Variants in ANKRD36B observed in about 807,000 individuals in gnomAD.
ANKRD36B encodes the protein ankyrin repeat domain-containing protein 36B.
ANKRD36B carries 37 observed loss-of-function variants against 135.7 expected under a neutral mutation model. The observed-to-expected ratio is 0.27, with a 90% CI of 0.21 to 0.36. The LOEUF is 0.36. Among genes scored for constraint, ANKRD36B ranks in the 10% least tolerant of loss-of-function variants. ANKRD36B has a pLI of 1.00. For missense variants in ANKRD36B, 549 were observed against 1,037.1 expected, an observed-to-expected ratio of 0.53 and a Z score of 6.46; for synonymous variants, 179 against 348.1, an observed-to-expected ratio of 0.51 and a Z score of 5.41.
rs764246672 is a variant in ANKRD36B, at chr2:97,589,710, G to C, written c.-25C>G. The C allele has an allele frequency of 6.2e-7, 1 of 1,613,782 alleles. No individual in the cohort carries two copies. The highest frequency in any genetic ancestry group is 1.3e-5 in the African/African-American group (1 of 74,868). On this transcript the variant is annotated 5_prime_UTR_variant, in exon 1 of 44. Coordinates refer to ENST00000359901, the MANE Select transcript of ANKRD36B (RefSeq NM_001393939.1). Reference sequence around the variant, plus strand: ...TGAGGGTGGGCCACCTCTCCCGCTCGTCGTCTTCCTTAATCGTCGGCTGCA... The same window carrying C: ...TGAGGGTGGGCCACCTCTCCCGCTCCTCGTCTTCCTTAATCGTCGGCTGCA...
intron 1 of ANKRD36B, among the ~76,000 whole-genome samples, chr2:97,588,193 G>T (rs552055454): frequency 1.3e-5 from 2 of 151,914 alleles, no homozygotes; most frequent in South Asian, 4.2e-4. Context: ...ATTCCATAAC[G>T]AACTTATTTC....
At position 97,560,725 on chromosome 2, in the gene ANKRD36B, C is replaced by T. The variant is rs778457264; in HGVS notation, c.805G>A (p.Asp269Asn). Residue 269 changes from aspartate to asparagine, a missense_variant, in exon 8 of 44, where the codon GAC becomes AAC. Asp to Asn is a conservative substitution (Grantham distance 23). Coordinates refer to ENST00000359901, the MANE Select transcript of ANKRD36B (RefSeq NM_001393939.1). ...GCTATATTTGAAACAGAATCTTTGT[C>T]GTCACTTGTAGCCTGAATGGGATTT... is the stretch of plus-strand genomic sequence containing the variant. Reference protein sequence around the residue: ...KQRAEKATSDDKDSVSNIATE... With the variant: ...KQRAEKATSDNKDSVSNIATE... 1.6e-5 allele frequency: 25 copies of T among 1,601,844 alleles called. No individual in the cohort carries two copies. Among genetic ancestry groups the T allele is most frequent in the Admixed American group, 6.7e-5 (4 of 59,742 alleles).
In ANKRD36B at chr2:97,578,886, CT is replaced by C; in HGVS notation, c.695+19del. 6.2e-7 allele frequency: 1 copy of C among 1,607,356 alleles called. No individual in the cohort carries two copies. The highest frequency in any genetic ancestry group is 8.5e-7 in the Non-Finnish European group (1 of 1,176,106). Reference sequence around the variant, plus strand: ...AAACTTCAATTTAGTGTTCATTAGCCTTTTTACGTAAAGACTTACACTCTAT... The same window carrying C: ...AAACTTCAATTTAGTGTTCATTAGCCTTTTACGTAAAGACTTACACTCTAT... On this transcript the variant is annotated intron_variant, in intron 5 of 43. Coordinates refer to ENST00000359901, the MANE Select transcript of ANKRD36B (RefSeq NM_001393939.1).
chr2:97,582,292 A>C (rs1466805224), intron 3 of ANKRD36B, among the ~76,000 whole-genome samples: 1 of 152,138 alleles, frequency 6.6e-6, no homozygotes, highest in Non-Finnish European at 1.5e-5. Context: ...TCAAAAGTTC[A>C]ACCCGATTAC....
At chr2:97,566,589 T>C (rs2081450964) in intron 6 of ANKRD36B, among the ~76,000 whole-genome samples, 1 of 152,164 alleles carries the variant, frequency 6.6e-6, no homozygotes, top group Non-Finnish European at 1.5e-5. Context: ...TTATCTTACA[T>C]GTGAATTGCA....
intron 3 of ANKRD36B, among the ~76,000 whole-genome samples, chr2:97,582,940 AT>A (rs1169139908): frequency 6.6e-6 from 1 of 152,112 alleles, no homozygotes; most frequent in Admixed American, 6.5e-5. Context: ...AATTATTAAA[AT>A]AATATTAAAT....
At chr2:97,555,783 T>C (rs2080469104) in intron 12 of ANKRD36B, among the ~76,000 whole-genome samples, 1 of 152,054 alleles carries the variant, frequency 6.6e-6, no homozygotes, top group East Asian at 1.9e-4. Context: ...TCAGCTTGGA[T>C]ATATGGTTGG....
chr2:97,552,891 C>T (rs9677078), intron 16 of ANKRD36B, among the ~76,000 whole-genome samples: 84,492 of 151,684 alleles, frequency 0.56, 25,182 homozygotes, highest in Non-Finnish European at 0.67. Context: ...AACTATGCTG[C>T]TCCCCAGAGC....
At position 97,527,809 on chromosome 2, in the gene ANKRD36B, C is replaced by T. The variant is rs2078304096; in HGVS notation, c.2266-4342G>A. On this transcript the variant is annotated intron_variant, in intron 35 of 43. Coordinates refer to ENST00000359901, the MANE Select transcript of ANKRD36B (RefSeq NM_001393939.1). ...ACAAAGATCAAAGAGACAAAGAAGG[C>T]CATTACATAATGGTAAAGGGATCAA... 2.1e-5 allele frequency among the ~76,000 whole-genome samples: 2 copies of T among 95,966 alleles called. 1 individual carries two copies. The highest frequency in any genetic ancestry group is 4.6e-4 in the East Asian group (2 of 4,332). The allele number at this position is 95,966 out of a possible 152,430, so 63.0% of individuals were successfully genotyped here.
chr2:97,548,725 T>G (rs1241210341), intron 20 of ANKRD36B, among the ~76,000 whole-genome samples: 5 of 151,998 alleles, frequency 3.3e-5, no homozygotes, highest in African/African-American at 1.2e-4. Flanking sequence ...ACAAAACATG[T>G]ATCTCTGATG....
At chr2:97,572,282 A>T (rs1268506400) in intron 6 of ANKRD36B, among the ~76,000 whole-genome samples, 3 of 30,302 alleles carry the variant, frequency 9.9e-5, no homozygotes, top group Non-Finnish European at 2.9e-4. Context: ...ACTCAATCTC[A>T]AAAAAAAAAA....
intron 6 of ANKRD36B, among the ~76,000 whole-genome samples, chr2:97,570,266 A>G (rs567905244): frequency 6.6e-6 from 1 of 152,208 alleles, no homozygotes; most frequent in Non-Finnish European, 1.5e-5. Flanking sequence ...ACTATCAAAT[A>G]GAATTTTTAA....
intron 4 of ANKRD36B, among the ~76,000 whole-genome samples, chr2:97,579,370 G>A (rs1313131855): frequency 7.2e-6 from 1 of 139,614 alleles, no homozygotes; most frequent in Non-Finnish European, 1.6e-5. Flanking sequence ...TCCCTAGTCT[G>A]ATACTATACA....
At chr2:97,555,390 G>A (rs2080424746) in intron 12 of ANKRD36B, 136 bp from the exon 13 acceptor site, 7 of 1,324,950 alleles carry the variant, frequency 5.3e-6, no homozygotes, top group Non-Finnish European at 7.3e-6. Flanking sequence ...TCTGGGGACT[G>A]GAACATGACA....
At chr2:97,551,501 A>T (rs370515955) in intron 16 of ANKRD36B, 21 bp from the exon 17 acceptor site, 1 of 1,607,444 alleles carries the variant, frequency 6.2e-7, no homozygotes, top group South Asian at 1.1e-5. Flanking sequence ...AAAGGGATAC[A>T]TAATCACTCA....
At chr2:97,547,831 T>A in intron 20 of ANKRD36B, 100 bp from the exon 21 acceptor site, 2 of 1,482,238 alleles carry the variant, frequency 1.3e-6, no homozygotes, top group South Asian at 1.2e-5. Context: ...TTCCTGCCTG[T>A]ATTAGCATAG....
intron 14 of ANKRD36B, among the ~76,000 whole-genome samples, chr2:97,554,824 C>G (rs2080360622): frequency 6.6e-6 from 1 of 151,914 alleles, no homozygotes; most frequent in African/African-American, 2.4e-5. Context: ...TTGATCTGCT[C>G]TCCAATGTTT....
At chr2:97,554,869 T>C (rs554982264) in intron 14 of ANKRD36B, among the ~76,000 whole-genome samples, 191 bp downstream of exon 14, 119 of 152,046 alleles carry the variant, frequency 7.8e-4, no homozygotes, top group South Asian at 1.5e-3. Flanking sequence ...AAGTCTATAA[T>C]CTTACTGTGA....
rs201219626 is a variant in ANKRD36B at position 97,572,740 on chromosome 2, TA to T, written c.763+3638del. ...ATAATATTTTCTTTAGGGACGAAAT[TA>T]AAAAAAAAAACAGTAAAAGCAGAGA... On this transcript the variant is annotated intron_variant, in intron 6 of 43. Transcript: ENST00000359901. Among the ~76,000 whole-genome samples, 450 of 145,308 alleles carry T rather than the reference TA, an allele frequency of 3.1e-3. 19 individuals are homozygous for T. The East Asian group carries it at 0.049, about 16-fold the overall frequency.
Sources: allele counts gnomAD v4.1 joint callset (sites outside exome capture counted in the v4.1 genomes callset), GRCh38; gene constraint gnomAD v4.1.1; transcripts MANE v1.5; gene names NCBI Gene and HGNC (gene_info 2026-07-23, HGNC 2026-07-21).